Variants in NTM observed in about 807,000 individuals in gnomAD.
NTM encodes the protein IgLON family member 2.
In NTM, 13 loss-of-function variants were observed where a neutral mutation model predicts 42.1. The ratio of observed to expected loss-of-function variants is 0.31; its 90% CI spans 0.20 to 0.49. NTM has a LOEUF of 0.49. Among genes scored for constraint, NTM ranks in the 20% least tolerant of loss-of-function variants. The pLI, the probability that NTM is intolerant of heterozygous loss-of-function variation, is 0.99. For synonymous variants in NTM, 187 were observed against 179.2 expected, an observed-to-expected ratio of 1.04 and a Z score of -0.35; for missense variants, 373 against 452.8, an observed-to-expected ratio of 0.82 and a Z score of 1.60.
intron 2 of NTM, among the ~76,000 whole-genome samples, chr11:132,114,307 C>A (rs1006457075): frequency 4.6e-5 from 7 of 152,124 alleles, no homozygotes; most frequent in Non-Finnish European, 1.5e-5. Flanking sequence ...CTTTTCTGCC[C>A]CTATGAAAGC....
At chr11:132,113,075 A>G (rs1384246889) in intron 2 of NTM, among the ~76,000 whole-genome samples, 4 of 152,132 alleles carry the variant, frequency 2.6e-5, no homozygotes, top group Admixed American at 2.6e-4. Context: ...GGTATTGTTT[A>G]TAGCTGGGCC....
chr11:131,747,104 T>G (rs991747120), intron 1 of NTM, among the ~76,000 whole-genome samples: 14 of 152,210 alleles, frequency 9.2e-5, no homozygotes, highest in African/African-American at 3.1e-4. Flanking sequence ...ACTGCATACC[T>G]TAGGAGCAAT....
intron 3 of NTM, among the ~76,000 whole-genome samples, chr11:132,184,046 C>A (rs1264335070): frequency 6.6e-6 from 1 of 152,130 alleles, no homozygotes; most frequent in Non-Finnish European, 1.5e-5. Context: ...TGGTGCCAAG[C>A]ACAAACTGGA....
intron 1 of NTM, among the ~76,000 whole-genome samples, chr11:131,714,118 G>A (rs2077441759): frequency 6.6e-6 from 1 of 152,150 alleles, no homozygotes; most frequent in African/African-American, 2.4e-5. Context: ...TAGGGCACAT[G>A]CTTAAGCCCA....
At chr11:132,240,227 A>C (rs2089960356) in intron 4 of NTM, among the ~76,000 whole-genome samples, 1 of 152,206 alleles carries the variant, frequency 6.6e-6, no homozygotes, top group African/African-American at 2.4e-5. Flanking sequence ...GACAAATATA[A>C]ATAACTTTTT....
chr11:131,748,391 C>T (rs1452177537), intron 1 of NTM, among the ~76,000 whole-genome samples: 1 of 152,212 alleles, frequency 6.6e-6, no homozygotes, highest in Non-Finnish European at 1.5e-5. Flanking sequence ...GCCGCACAGC[C>T]GGCTAACTTG....
At chr11:131,800,753 T>C (rs1370423592) in intron 1 of NTM, among the ~76,000 whole-genome samples, 1 of 152,162 alleles carries the variant, frequency 6.6e-6, no homozygotes, top group Non-Finnish European at 1.5e-5. Context: ...GCCTTGCACA[T>C]CAAACAGCAA....
At chr11:132,134,205 G>C (rs1037063680) in intron 2 of NTM, among the ~76,000 whole-genome samples, 1 of 152,102 alleles carries the variant, frequency 6.6e-6, no homozygotes, top group African/African-American at 2.4e-5. Flanking sequence ...TTACAGGCGT[G>C]AGCCACCGTG....
At chr11:131,713,956 G>A (rs1009424510) in intron 1 of NTM, among the ~76,000 whole-genome samples, 19 of 152,180 alleles carry the variant, frequency 1.2e-4, no homozygotes, top group African/African-American at 4.1e-4. Flanking sequence ...TTGGCATTCC[G>A]CACGGGCAGT....
chr11:131,880,801 CT>C (rs113951279), intron 1 of NTM, among the ~76,000 whole-genome samples: 166 of 147,514 alleles, frequency 1.1e-3, no homozygotes, highest in African/African-American at 2.0e-3. Context: ...AAATCTCACT[CT>C]TTTTTTTTTT....
intron 2 of NTM, among the ~76,000 whole-genome samples, chr11:131,916,254 A>G (rs1164540899): frequency 1.3e-5 from 2 of 152,210 alleles, no homozygotes; most frequent in African/African-American, 4.8e-5. Context: ...CATGGGTGTC[A>G]TTCACTTAGA....
At position 132,104,700 on chromosome 11, in the gene NTM, G is replaced by A. The variant is rs374691291; in HGVS notation, c.168-41582G>A. Among the ~76,000 whole-genome samples the A allele has an allele frequency of 4.8e-4, 72 of 149,320 alleles. 1 individual carries two copies. Among genetic ancestry groups the A allele is most frequent in the African/African-American group, 1.5e-3 (60 of 40,516 alleles). ...CAAAGAGGGAGGATTGTATGAGACC[G>A]GCCTGGGCAACATAGTGGGACCCCA... On this transcript the variant is annotated intron_variant, in intron 2 of 8. Coordinates refer to ENST00000683400, the MANE Select transcript of NTM (RefSeq NM_001352005.2).
At chr11:131,579,852 G>A (rs1444116634) in intron 1 of NTM, among the ~76,000 whole-genome samples, 1 of 152,286 alleles carries the variant, frequency 6.6e-6, no homozygotes, top group East Asian at 1.9e-4. Context: ...CCCCAACATG[G>A]CATTCTATAT....
At chr11:131,540,168 T>G (rs1282166983) in intron 1 of NTM, among the ~76,000 whole-genome samples, 1 of 136,766 alleles carries the variant, frequency 7.3e-6, no homozygotes, top group Non-Finnish European at 1.6e-5. Flanking sequence ...TTTTTTTTTT[T>G]TTTTTTTTTT....
At chr11:132,122,556 C>T (rs556761110) in intron 2 of NTM, among the ~76,000 whole-genome samples, 41 of 152,240 alleles carry the variant, frequency 2.7e-4, no homozygotes, top group Admixed American at 6.5e-4. Flanking sequence ...GAAAAGAAGT[C>T]CCCTCTGTAA....
At chr11:132,234,349 G>T (rs1017196615) in intron 4 of NTM, among the ~76,000 whole-genome samples, 1 of 152,136 alleles carries the variant, frequency 6.6e-6, no homozygotes, top group African/African-American at 2.4e-5. Flanking sequence ...GCCTCAATCA[G>T]CACCTTCAAC....
intron 1 of NTM, among the ~76,000 whole-genome samples, chr11:131,597,393 C>T (rs180971802): frequency 1.3e-5 from 2 of 152,242 alleles, no homozygotes; most frequent in African/African-American, 2.4e-5. Flanking sequence ...CTTTCCCCAC[C>T]ACTTTGGCGG....
intron 1 of NTM, among the ~76,000 whole-genome samples, chr11:131,513,590 G>A (rs551964680): frequency 6.6e-6 from 1 of 152,294 alleles, no homozygotes; most frequent in Non-Finnish European, 1.5e-5. Flanking sequence ...TCAGATACAG[G>A]GAAGACAGAA....
intron 2 of NTM, among the ~76,000 whole-genome samples, chr11:132,082,152 A>G (rs1384770098): frequency 5.3e-5 from 8 of 151,956 alleles, no homozygotes. Context: ...GTCCATCCCT[A>G]AAGAATTGAT....
Sources: allele counts gnomAD v4.1 joint callset (sites outside exome capture counted in the v4.1 genomes callset), GRCh38; gene constraint gnomAD v4.1.1; transcripts MANE v1.5; gene names NCBI Gene and HGNC (gene_info 2026-07-23, HGNC 2026-07-21).